The following TOX3 variants were observed in gnomAD, a reference collection of about 807,000 sequenced individuals.
TOX3 encodes TOX high mobility group box family member 3.
Under a neutral mutation model 64.3 loss-of-function variants are expected in TOX3, and 22 were observed. The ratio of observed to expected loss-of-function variants is 0.34; its 90% CI spans 0.24 to 0.49. TOX3 has a LOEUF of 0.49. TOX3 is among the 20% of genes least tolerant of loss of function. The pLI, the probability that TOX3 is intolerant of heterozygous loss-of-function variation, is 0.99. For synonymous variants in TOX3, 291 were observed against 273.6 expected (o/e 1.06, Z -0.63); for missense variants, 661 against 714.4 (o/e 0.93, Z 0.85).
intron 3 of TOX3, among the ~76,000 whole-genome samples, chr16:52,455,371 G>C (rs1005813392): frequency 1.3e-5 from 2 of 151,950 alleles, no homozygotes; most frequent in African/African-American, 4.8e-5. Context: ...ACCAGTAGCC[G>C]CCCTTTCCCT....
chr16:52,451,372 T>C (rs1393679634), intron 3 of TOX3, among the ~76,000 whole-genome samples: 1 of 152,206 alleles, frequency 6.6e-6, no homozygotes, highest in Non-Finnish European at 1.5e-5. Context: ...CTGAAACTTA[T>C]TGCAGTTACT....
intron 1 of TOX3, among the ~76,000 whole-genome samples, chr16:52,541,701 A>G (rs927797531): frequency 6.6e-6 from 1 of 152,216 alleles, no homozygotes; most frequent in African/African-American, 2.4e-5. Context: ...GACCACCTAC[A>G]TGCATTGACT....
chr16:52,484,470 A>G (rs1039145804), intron 1 of TOX3, among the ~76,000 whole-genome samples: 6 of 152,192 alleles, frequency 3.9e-5, no homozygotes, highest in African/African-American at 1.4e-4. Context: ...AAACTGCTCA[A>G]GAAGGATTTC....
intron 2 of TOX3, among the ~76,000 whole-genome samples, chr16:52,464,405 A>G (rs1028623535): frequency 1.3e-5 from 2 of 152,192 alleles, no homozygotes; most frequent in African/African-American, 4.8e-5. Flanking sequence ...TATGGTTTTA[A>G]TGGAGTATCA....
intron 2 of TOX3, among the ~76,000 whole-genome samples, chr16:52,467,483 A>T (rs1960901566): frequency 6.6e-6 from 1 of 152,184 alleles, no homozygotes; most frequent in Non-Finnish European, 1.5e-5. Flanking sequence ...TTTCTTTCAT[A>T]ACACTTGCCT....
At chr16:52,443,873 C>T (rs1286795989) in intron 6 of TOX3, among the ~76,000 whole-genome samples, 2 of 151,922 alleles carry the variant, frequency 1.3e-5, no homozygotes, top group East Asian at 3.9e-4. Flanking sequence ...AAATGCAATG[C>T]CCCCCAATTG....
Position 52,450,539 on chromosome 16 carries a change from C to A in TOX3, c.416G>T (p.Ser139Ile). Residue 139 changes from serine to isoleucine, a missense_variant, in exon 4 of 7, where the codon AGC becomes ATC. By Grantham distance (142) the Ser-to-Ile change is moderately radical. Around this residue, in one of 3 missense-constraint regions of TOX3, gnomAD observed 259 missense variants for 261.2 expected, o/e 0.99. Transcript: ENST00000219746. ...CCGGTACTGGGACACTTGTGTGTGGCTCTGATCCTAGAAAGGCAGCAACAA... is the reference window on the plus strand; with the variant it reads ...CCGGTACTGGGACACTTGTGTGTGGATCTGATCCTAGAAAGGCAGCAACAA... ...LHSSGLHMDQSHTQVSQYRQD... is the reference protein window; with the variant it reads ...LHSSGLHMDQIHTQVSQYRQD... The A allele has an allele frequency of 6.2e-7, 1 of 1,613,846 alleles. No individual in the cohort carries two copies. The highest frequency in any genetic ancestry group is 1.7e-4 in the Middle Eastern group (1 of 6,060).
At chr16:52,461,344 A>T (rs1047472188) in intron 3 of TOX3, among the ~76,000 whole-genome samples, 3 of 152,170 alleles carry the variant, frequency 2.0e-5, no homozygotes, top group Admixed American at 2.0e-4. Flanking sequence ...ATTTTTCAGC[A>T]ATTCGCTTTT....
intron 1 of TOX3, among the ~76,000 whole-genome samples, chr16:52,474,886 C>T (rs1961163035): frequency 1.3e-5 from 2 of 152,118 alleles, no homozygotes; most frequent in African/African-American, 4.8e-5. Context: ...TTTTGGCCAT[C>T]GTCCTTCCCC....
intron 6 of TOX3, 118 bp from the exon 7 acceptor site, chr16:52,440,086 C>A: frequency 1.2e-6 from 1 of 812,434 alleles, no homozygotes; most frequent in Non-Finnish European, 1.8e-6. Flanking sequence ...TCATGCCCTC[C>A]TGTATGTGTA....
intron 3 of TOX3, among the ~76,000 whole-genome samples, chr16:52,452,983 T>C (rs1960400313): frequency 6.6e-6 from 1 of 152,168 alleles, no homozygotes; most frequent in Admixed American, 6.5e-5. Context: ...TTTTATGTTA[T>C]CTGTTCATCC....
intron 1 of TOX3, among the ~76,000 whole-genome samples, chr16:52,494,456 T>C (rs1360799705): frequency 6.6e-6 from 1 of 152,228 alleles, no homozygotes; most frequent in Admixed American, 6.5e-5. Context: ...ACACCTCTAT[T>C]ACATTTACCT....
At chr16:52,460,890 A>G (rs1960668388) in intron 3 of TOX3, among the ~76,000 whole-genome samples, 1 of 152,192 alleles carries the variant, frequency 6.6e-6, no homozygotes, top group African/African-American at 2.4e-5. Context: ...ACTGCCTGAG[A>G]AAACTAAATT....
intron 1 of TOX3, among the ~76,000 whole-genome samples, chr16:52,545,327 C>G (rs1301623812): frequency 6.6e-6 from 1 of 152,176 alleles, no homozygotes; most frequent in Non-Finnish European, 1.5e-5. Flanking sequence ...CCCCTCTGTG[C>G]CAGACGCTGA....
At chr16:52,496,486 A>G (rs918099712) in intron 1 of TOX3, among the ~76,000 whole-genome samples, 1 of 152,234 alleles carries the variant, frequency 6.6e-6, no homozygotes, top group African/African-American at 2.4e-5. Context: ...AACATTTCAG[A>G]TCAAAATGAT....
upstream of TOX3, chr16:52,547,543 C>T (rs941978401): frequency 6.6e-6 from 1 of 152,330 alleles, no homozygotes; most frequent in Non-Finnish European, 1.5e-5. Flanking sequence ...TGCTCCCTTC[C>T]TGTCGCTTTC....
chr16:52,482,733 T>C (rs1961401529), intron 1 of TOX3, among the ~76,000 whole-genome samples: 1 of 152,186 alleles, frequency 6.6e-6, no homozygotes, highest in African/African-American at 2.4e-5. Context: ...GCAACTCTTA[T>C]ACGAAGTGTA....
chr16:52,454,357 A>G (rs1424193115), intron 3 of TOX3, among the ~76,000 whole-genome samples: 1 of 152,216 alleles, frequency 6.6e-6, no homozygotes, highest in Non-Finnish European at 1.5e-5. Flanking sequence ...CTTCAGATCC[A>G]AAAAGATGCC....
At chr16:52,466,972 A>G (rs1030643452) in intron 2 of TOX3, among the ~76,000 whole-genome samples, 14 of 152,214 alleles carry the variant, frequency 9.2e-5, no homozygotes, top group African/African-American at 3.4e-4. Context: ...CCATCTGACC[A>G]ATATCAGATT....
Sources: allele counts gnomAD v4.1 joint callset (sites outside exome capture counted in the v4.1 genomes callset), GRCh38; gene constraint gnomAD v4.1.1; regional missense constraint gnomAD v4.1.1; transcripts MANE v1.5; gene names NCBI Gene and HGNC (gene_info 2026-07-23, HGNC 2026-07-21).